COMMD10: variants seen among roughly 807,000 people sequenced by gnomAD.
COMMD10 encodes the protein COMM domain containing 10, also known as COMM domain-containing protein 10.
Under a neutral mutation model 28.9 loss-of-function variants are expected in COMMD10, and 33 were observed. The observed-to-expected ratio is 1.14, with a 90% confidence interval of 0.87 to 1.53. COMMD10 has a LOEUF of 1.53. COMMD10 is among the 40% of genes most tolerant of loss of function. COMMD10 has a pLI of 0.00. For missense variants in COMMD10, 310 were observed against 233.4 expected (o/e 1.33, Z -2.14); for synonymous variants, 110 against 81.7 (o/e 1.35, Z -1.87).
chr5:116,240,357 A>G (rs1035088717), intron 5 of COMMD10, among the ~76,000 whole-genome samples: 4 of 152,304 alleles, frequency 2.6e-5, no homozygotes, highest in South Asian at 2.1e-4. Flanking sequence ...GAATACAGCA[A>G]TCTCCTCCTG....
At chr5:116,279,001 A>G (rs1750993653) in intron 5 of COMMD10, among the ~76,000 whole-genome samples, 1 of 151,864 alleles carries the variant, frequency 6.6e-6, no homozygotes. Context: ...CTTCAGGGGA[A>G]AAATGACTTG....
intron 4 of COMMD10, among the ~76,000 whole-genome samples, chr5:116,107,008 G>C (rs1040351383): frequency 1.3e-5 from 2 of 152,188 alleles, no homozygotes; most frequent in Non-Finnish European, 2.9e-5. Context: ...GTGTGAGTTT[G>C]ATCCTGTCAT....
intron 5 of COMMD10, among the ~76,000 whole-genome samples, chr5:116,271,502 A>G (rs888995859): frequency 1.3e-5 from 2 of 151,550 alleles, no homozygotes; most frequent in Admixed American, 1.3e-4. Context: ...AAGTATAAGT[A>G]CCCTCCATGA....
chr5:116,184,075 T>C (rs186403102), intron 5 of COMMD10, among the ~76,000 whole-genome samples: 108 of 152,236 alleles, frequency 7.1e-4, no homozygotes, highest in Middle Eastern at 6.8e-3. Flanking sequence ...GTCATGATGC[T>C]TTGGGGAACA....
At chr5:116,217,020 G>T (rs1427436056) in intron 5 of COMMD10, among the ~76,000 whole-genome samples, 2 of 151,948 alleles carry the variant, frequency 1.3e-5, no homozygotes, top group African/African-American at 4.8e-5. Flanking sequence ...AGATACTTTT[G>T]AGTAGACATA....
chr5:116,121,974 C>G (rs1223883097), intron 4 of COMMD10, among the ~76,000 whole-genome samples: 1 of 152,170 alleles, frequency 6.6e-6, no homozygotes, highest in East Asian at 1.9e-4. Context: ...CATGCAGAAG[C>G]TCTTTAGTTT....
intron 5 of COMMD10, among the ~76,000 whole-genome samples, chr5:116,139,861 A>C (rs1307645037): frequency 6.6e-6 from 1 of 151,610 alleles, no homozygotes; most frequent in Non-Finnish European, 1.5e-5. Context: ...CCCACCCATC[A>C]CCTGCCATTA....
chr5:116,195,518 CCAAA>C (rs1261074323), intron 5 of COMMD10, among the ~76,000 whole-genome samples: 1 of 152,084 alleles, frequency 6.6e-6, no homozygotes, highest in Admixed American at 6.6e-5. Context: ...CCAACAGCGA[CCAAA>C]CAGAGAATCA....
At chr5:116,248,946 T>C (rs1250410224) in intron 5 of COMMD10, among the ~76,000 whole-genome samples, 1 of 151,996 alleles carries the variant, frequency 6.6e-6, no homozygotes, top group Non-Finnish European at 1.5e-5. Context: ...TTTGGAGATT[T>C]CTAAAATCAA....
intron 5 of COMMD10, among the ~76,000 whole-genome samples, chr5:116,134,418 A>G (rs1751965591): frequency 6.6e-6 from 1 of 152,128 alleles, no homozygotes; most frequent in Admixed American, 6.6e-5. Context: ...AGACCATATA[A>G]AATTATGATT....
At chr5:116,150,869 C>A (rs1298325745) in intron 5 of COMMD10, among the ~76,000 whole-genome samples, 1 of 148,800 alleles carries the variant, frequency 6.7e-6, no homozygotes, top group Non-Finnish European at 1.5e-5. Context: ...TGCCTAATTG[C>A]CCTGGCCAGA....
intron 5 of COMMD10, among the ~76,000 whole-genome samples, chr5:116,286,023 C>T (rs12520613): frequency 0.073 from 11,126 of 151,912 alleles, 514 homozygotes; most frequent in Admixed American, 0.13. Flanking sequence ...TTTTTAACTA[C>T]TGATTCAATC....
At chr5:116,099,147 A>G (rs1474090613) in intron 4 of COMMD10, among the ~76,000 whole-genome samples, 1 of 152,140 alleles carries the variant, frequency 6.6e-6, no homozygotes, top group Non-Finnish European at 1.5e-5. Context: ...CCCCATCCCC[A>G]GGCAACTACC....
chr5:116,181,597 G>A (rs896991374), intron 5 of COMMD10, among the ~76,000 whole-genome samples: 5 of 151,592 alleles, frequency 3.3e-5, no homozygotes, highest in Admixed American at 1.3e-4. Context: ...CTGTTTTGTC[G>A]AATTCTAGAA....
At chr5:116,235,068 A>G (rs913939112) in intron 5 of COMMD10, among the ~76,000 whole-genome samples, 2 of 152,202 alleles carry the variant, frequency 1.3e-5, no homozygotes, top group Non-Finnish European at 2.9e-5. Context: ...TTTGTATAAT[A>G]TAATTTCAGA....
At chr5:116,102,806 TC>T (rs930284430) in intron 4 of COMMD10, among the ~76,000 whole-genome samples, 14 of 152,144 alleles carry the variant, frequency 9.2e-5, no homozygotes, top group Admixed American at 7.9e-4. Context: ...CCTAATGCTA[TC>T]CCTCCACCAG....
At chr5:116,193,148 C>T (rs1308271142) in intron 5 of COMMD10, among the ~76,000 whole-genome samples, 2 of 152,192 alleles carry the variant, frequency 1.3e-5, no homozygotes, top group Non-Finnish European at 2.9e-5. Flanking sequence ...ACTACAGGAA[C>T]TGCTAAAAGG....
intron 5 of COMMD10, among the ~76,000 whole-genome samples, chr5:116,221,081 CT>C (rs70978610): frequency 0.62 from 88,070 of 142,472 alleles, 29,068 homozygotes; most frequent in Non-Finnish European, 0.75. Flanking sequence ...TTGAGATACT[CT>C]TTTTTTTTTT....
At chr5:116,091,777 G>A (rs1191853071) in intron 3 of COMMD10, among the ~76,000 whole-genome samples, 15 of 152,100 alleles carry the variant, frequency 9.9e-5, no homozygotes, top group Admixed American at 9.2e-4. Flanking sequence ...CATATTTTTT[G>A]TGTATCTTAT....
Sources: gnomAD v4.1 joint callset for allele counts (sites outside exome capture counted in the v4.1 genomes callset) on GRCh38, gnomAD v4.1.1 for gene constraint, MANE v1.5 for transcripts, NCBI Gene and HGNC (gene_info 2026-07-23, HGNC 2026-07-21) for gene names.